Variants in MCTP2 observed in about 807,000 individuals in gnomAD.
The protein encoded by MCTP2 is multiple C2 and transmembrane domain-containing protein 2.
In MCTP2, 132 loss-of-function variants were observed where a neutral mutation model predicts 111.6. The observed-to-expected ratio is 1.18, with a 90% CI of 1.03 to 1.37. MCTP2 has a LOEUF of 1.37. MCTP2 is among the 40% of genes most tolerant of loss of function. MCTP2 has a pLI of 0.00. For missense variants in MCTP2, 1,183 were observed against 1,067.9 expected (o/e 1.11, Z -1.50); for synonymous variants, 395 against 387.7 (o/e 1.02, Z -0.22).
intron 1 of MCTP2, among the ~76,000 whole-genome samples, chr15:94,252,140 G>A (rs1163172120): frequency 6.6e-6 from 1 of 152,154 alleles, no homozygotes; most frequent in Non-Finnish European, 1.5e-5. Context: ...CCCAGAAGTG[G>A]AATTGCTAGA....
At chr15:94,456,884 T>G in intron 19 of MCTP2, among the ~76,000 whole-genome samples, 1 of 152,208 alleles carries the variant, frequency 6.6e-6, no homozygotes, top group East Asian at 1.9e-4. Flanking sequence ...GAAGGGTGGT[T>G]TGTGTTTTTC....
chr15:94,343,260 G>A (rs2077764372), intron 7 of MCTP2: 1 of 151,970 alleles, frequency 6.6e-6, no homozygotes, highest in Non-Finnish European at 1.5e-5. Flanking sequence ...TCTTTTCATT[G>A]AGTTTGAGTT....
At chr15:94,297,500 A>G (rs1030188554) in intron 1 of MCTP2, among the ~76,000 whole-genome samples, 1 of 152,162 alleles carries the variant, frequency 6.6e-6, no homozygotes, top group Non-Finnish European at 1.5e-5. Context: ...CTGTATGTGA[A>G]TATAAATTTG....
chr15:94,422,748 A>C (rs543605065), intron 17 of MCTP2, among the ~76,000 whole-genome samples: 1 of 152,190 alleles, frequency 6.6e-6, no homozygotes, highest in Non-Finnish European at 1.5e-5. Context: ...ATGAACCAGC[A>C]CTGTTGGATA....
At chr15:94,334,230 C>T (rs1413347320) in intron 4 of MCTP2, among the ~76,000 whole-genome samples, 3 of 152,196 alleles carry the variant, frequency 2.0e-5, no homozygotes, top group Non-Finnish European at 4.4e-5. Context: ...AGTTTTCTAT[C>T]TCACAAGTGA....
At chr15:94,433,024 T>C (rs553150048) in intron 17 of MCTP2, among the ~76,000 whole-genome samples, 1 of 152,270 alleles carries the variant, frequency 6.6e-6, no homozygotes, top group South Asian at 2.1e-4. Flanking sequence ...CATGATAAAT[T>C]TTTTTGTGAC....
chr15:94,244,436 A>G (rs923750956), intron 1 of MCTP2, among the ~76,000 whole-genome samples: 4 of 148,426 alleles, frequency 2.7e-5, no homozygotes, highest in Non-Finnish European at 6.0e-5. Context: ...ATATGCACCT[A>G]TGTTTATATA....
At chr15:94,242,689 T>C (rs2071065238) in intron 1 of MCTP2, among the ~76,000 whole-genome samples, 1 of 152,006 alleles carries the variant, frequency 6.6e-6, no homozygotes. Context: ...TGAAAGTTTT[T>C]TTTTAAACTT....
intron 1 of MCTP2, among the ~76,000 whole-genome samples, chr15:94,287,779 C>G (rs956770467): frequency 6.6e-6 from 1 of 152,202 alleles, no homozygotes; most frequent in Non-Finnish European, 1.5e-5. Flanking sequence ...CATAGATCCC[C>G]TGGAGCTGGG....
intron 9 of MCTP2, among the ~76,000 whole-genome samples, chr15:94,357,986 A>G (rs1287207116): frequency 1.3e-5 from 2 of 152,202 alleles, no homozygotes; most frequent in African/African-American, 4.8e-5. Context: ...CTTTGGATTT[A>G]AAAATAGGTA....
intron 12 of MCTP2, among the ~76,000 whole-genome samples, chr15:94,378,416 T>C (rs1406827543): frequency 2.6e-5 from 4 of 151,176 alleles, no homozygotes; most frequent in Non-Finnish European, 5.9e-5. Context: ...TAGCTAGTCA[T>C]AGAGGCTGAG....
chr15:94,430,993 C>T (rs1344792793), intron 17 of MCTP2, among the ~76,000 whole-genome samples: 1 of 152,100 alleles, frequency 6.6e-6, no homozygotes, highest in Non-Finnish European at 1.5e-5. Flanking sequence ...CTTTTGTTTT[C>T]TCATGGTGGA....
chr15:94,364,147 T>C (rs2079070136), intron 10 of MCTP2, among the ~76,000 whole-genome samples: 2 of 152,094 alleles, frequency 1.3e-5, no homozygotes, highest in Non-Finnish European at 1.5e-5. Context: ...CCAGGGCTTG[T>C]AGGTGAAATC....
At chr15:94,463,119 C>G (rs1410748347) in intron 20 of MCTP2, among the ~76,000 whole-genome samples, 5 of 152,144 alleles carry the variant, frequency 3.3e-5, no homozygotes, top group African/African-American at 1.2e-4. Flanking sequence ...CTAGAAAGCC[C>G]ATGACACACC....
chr15:94,315,625 C>A lies in MCTP2; in HGVS notation c.625C>A (p.Arg209=), dbSNP rs200389318. 1.2e-5 allele frequency: 19 copies of A among 1,613,566 alleles called. 1 individual carries two copies. The African/African-American group carries it at 2.4e-4, about 20-fold the overall frequency. The change falls in exon 4 of 23, where the codon CGA becomes AGA. Residue 209 remains arginine (R), a synonymous_variant. Transcript: ENST00000357742. The part of the protein sequence containing the change: ...HLKEGRNLVV[R]DRCGTSDPYV... Reference sequence around the variant, plus strand: ...GAAGGAAGGCCGGAACCTGGTTGTCCGAGATCGCTGTGGTAAGACCTGGGT... The same window carrying A: ...GAAGGAAGGCCGGAACCTGGTTGTCAGAGATCGCTGTGGTAAGACCTGGGT...
intron 14 of MCTP2, among the ~76,000 whole-genome samples, chr15:94,389,330 G>A (rs2080724322): frequency 6.6e-6 from 1 of 152,092 alleles, no homozygotes; most frequent in African/African-American, 2.4e-5. Flanking sequence ...GGCATGGAGG[G>A]GAAGTGGGAC....
Position 94,244,868 on chromosome 15 carries a change from A to T in MCTP2, c.-66+13204A>T, listed in dbSNP as rs183850109. Among the ~76,000 whole-genome samples the T allele has an allele frequency of 7.7e-4, 113 of 146,850 alleles. 1 individual carries two copies. Among genetic ancestry groups the T allele is most frequent in the African/African-American group, 2.8e-3 (111 of 39,710 alleles). ...CGTATATGTATACACATACATATGC[A>T]CCTATGTTTATATACGTATATGTAT... On this transcript the variant is annotated intron_variant, in intron 1 of 22. Coordinates refer to ENST00000357742, the MANE Select transcript of MCTP2 (RefSeq NM_001385001.1).
intron 1 of MCTP2, among the ~76,000 whole-genome samples, chr15:94,232,500 AG>A (rs1453308555): frequency 6.6e-6 from 1 of 152,236 alleles, no homozygotes; most frequent in Admixed American, 6.5e-5. Context: ...CACTTATTGA[AG>A]GATTTGTATG....
chr15:94,254,063 G>C (rs752492873), intron 1 of MCTP2, among the ~76,000 whole-genome samples: 1 of 152,272 alleles, frequency 6.6e-6, no homozygotes, highest in East Asian at 1.9e-4. Context: ...TGAATACCTC[G>C]ATATTTGATT....
Sources: gnomAD v4.1 joint callset for allele counts (sites outside exome capture counted in the v4.1 genomes callset) on GRCh38, gnomAD v4.1.1 for gene constraint, MANE v1.5 for transcripts, NCBI Gene and HGNC (gene_info 2026-07-23, HGNC 2026-07-21) for gene names.